GGT1: variants seen among roughly 807,000 people sequenced by gnomAD.
GGT1 encodes glutathione hydrolase 1 proenzyme.
GGT1 carries 21 observed loss-of-function variants against 56.0 expected under a neutral mutation model. The observed-to-expected ratio is 0.38, with a 90% CI of 0.27 to 0.54. GGT1 has a LOEUF of 0.54. GGT1 is among the 20% of genes least tolerant of loss of function. The pLI is 0.82. For missense variants in GGT1, 466 were observed against 787.0 expected, an observed-to-expected ratio of 0.59 and a Z score of 4.88; for synonymous variants, 238 against 342.6, an observed-to-expected ratio of 0.69 and a Z score of 3.37.
chr22:24,619,672 G>A (rs575195110), intron 7 of GGT1, among the ~76,000 whole-genome samples: 13 of 152,148 alleles, frequency 8.5e-5, no homozygotes, highest in African/African-American at 1.4e-4. Flanking sequence ...CTCTGGGGCC[G>A]TAGAAAAGAG....
At chr22:24,626,616 G>A (rs202104277) in intron 11 of GGT1, among the ~76,000 whole-genome samples, 233 of 151,472 alleles carry the variant, frequency 1.5e-3, no homozygotes, top group East Asian at 7.6e-3. Context: ...GCTAGTCGGC[G>A]CCATCCTTGA....
chr22:24,608,120 G>A, intron 2 of GGT1, 97 bp downstream of exon 2: 1 of 395,994 alleles, frequency 2.5e-6, no homozygotes, highest in South Asian at 1.8e-5. Flanking sequence ...AGTGTGTGCA[G>A]CTCTCACGCT....
chr22:24,589,837 A>C (rs750972215), upstream of GGT1: 5 of 1,613,142 alleles, frequency 3.1e-6, no homozygotes, highest in South Asian at 1.1e-5. Flanking sequence ...GGGGCACTGC[A>C]GGTCCCGGGC....
In GGT1 at chr22:24,611,305, T is replaced by C. The variant is rs1238412428; in HGVS notation, c.164+60T>C. On this transcript the variant is annotated intron_variant, in intron 5 of 15. Coordinates refer to ENST00000400382, the MANE Select transcript of GGT1 (RefSeq NM_001288833.2). Reference sequence around the variant, plus strand: ...AAACTGGGCAAGTGGACCTGAGCAATACCTTCACCCCCCTGAGACTCAGTT... The same window carrying C: ...AAACTGGGCAAGTGGACCTGAGCAACACCTTCACCCCCCTGAGACTCAGTT... 5.0e-6 allele frequency: 5 copies of C among 1,002,786 alleles called. No individual in the cohort carries two copies. In the African/African-American group the frequency reaches 8.0e-5, roughly 16 times the overall value. 62.1% of individuals were successfully genotyped at this position (1,002,786 alleles called of 1,614,324 possible).
chr22:24,589,190 A>G, the GGT1 span: 1 of 1,199,226 alleles, frequency 8.3e-7, no homozygotes, highest in Non-Finnish European at 1.1e-6. Flanking sequence ...GGCTGGTCAC[A>G]GCCACACATC....
chr22:24,586,533 G>A, the GGT1 span: 2 of 1,077,372 alleles, frequency 1.9e-6, no homozygotes, highest in East Asian at 2.4e-5. Flanking sequence ...TTCAAACTGT[G>A]TCTTTCGTAT....
intron 5 of GGT1, among the ~76,000 whole-genome samples, 150 bp from the exon 6 acceptor site, chr22:24,614,614 CAAAAAAAAAAAA>C (rs4049879): frequency 3.7e-3 from 257 of 68,622 alleles, no homozygotes; most frequent in African/African-American, 0.01. Context: ...GACTCCATCT[CAAAAAAAAAAAA>C]AAAAAGAAAG....
chr22:24,585,221 C>T, the GGT1 span, among the ~76,000 whole-genome samples: 1 of 152,198 alleles, frequency 6.6e-6, no homozygotes, highest in Admixed American at 6.5e-5. Flanking sequence ...ACTTAGTCGG[C>T]TGTGGCCCCT....
At chr22:24,587,313 A>G in the GGT1 span, among the ~76,000 whole-genome samples, 1,435 of 152,210 alleles carry the variant, frequency 9.4e-3, 23 homozygotes, top group African/African-American at 0.033. Context: ...TCTCAGTTAG[A>G]AGGGAAGTTC....
chr22:24,618,560 T>C (rs185816411), intron 7 of GGT1, among the ~76,000 whole-genome samples: 3 of 152,148 alleles, frequency 2.0e-5, no homozygotes, highest in Non-Finnish European at 2.9e-5. Context: ...CACTGCACTG[T>C]AGTCTGGGAG....
Position 24,627,527 on chromosome 22 carries a change from G to A in GGT1, c.1116G>A (p.Glu372=). 6.2e-7 allele frequency: 1 copy of A among 1,611,794 alleles called. No individual in the cohort carries two copies. Among genetic ancestry groups the A allele is most frequent in the Middle Eastern group, 2.3e-4 (1 of 4,430 alleles). The part of the protein sequence containing the change: ...TTHPISYYKP[E]FYTPDDGGTA... ...ACCCGATCTCCTACTACAAGCCCGA[G>A]TTCTACACGCCGGATGACGGGGGCA... is the stretch of plus-strand genomic sequence containing the variant. The change falls in exon 12 of 16, where the codon GAG becomes GAA. Residue 372 remains glutamate (E), a synonymous_variant. Transcript: ENST00000400382.
At chr22:24,599,993 G>T (rs2045757566), upstream of GGT1, among the ~76,000 whole-genome samples, 1 of 152,198 alleles carries the variant, frequency 6.6e-6, no homozygotes, top group Admixed American at 6.5e-5. Context: ...CATGGTGTCG[G>T]GACTGGGGCA....
At chr22:24,589,274 T>C in the GGT1 span, 11 of 1,250,050 alleles carry the variant, frequency 8.8e-6, no homozygotes, top group South Asian at 1.4e-4. Flanking sequence ...AGCTGTGGGG[T>C]GGAGGCTGCA....
intron 2 of GGT1, among the ~76,000 whole-genome samples, chr22:24,608,358 C>T (rs973790786): frequency 2.6e-4 from 39 of 152,236 alleles, no homozygotes; most frequent in African/African-American, 9.4e-4. Flanking sequence ...CAGTCTGAGC[C>T]TGGCTGGGTG....
At chr22:24,624,428 C>T (rs564230644) in intron 11 of GGT1, 1 of 984,542 alleles carries the variant, frequency 1.0e-6, no homozygotes, top group Admixed American at 6.1e-5. Flanking sequence ...CCTCACATCC[C>T]TCCTTACCTA....
chr22:24,614,348 C>CAA lies in GGT1; in HGVS notation c.165-400_165-399dup, dbSNP rs534749815. On this transcript the variant is annotated intron_variant, in intron 5 of 15. Transcript: ENST00000400382. Reference sequence around the variant, plus strand: ...TGAGCAACAAAGAGAGACTTTGTCTCAAAAAAAAAAAAAAAAAAAAAAAAA... The same window carrying CAA: ...TGAGCAACAAAGAGAGACTTTGTCTCAAAAAAAAAAAAAAAAAAAAAAAAAAA... 5.1e-3 allele frequency among the ~76,000 whole-genome samples: 55 copies of CAA among 10,740 alleles called. 2 individuals are homozygous for CAA. The highest frequency in any genetic ancestry group is 6.6e-3 in the Non-Finnish European group (28 of 4,232). 7.0% of individuals were successfully genotyped at this position (10,740 alleles called of 152,430 possible).
At chr22:24,592,499 G>A (rs1365882436), upstream of GGT1, 1 of 445,646 alleles carries the variant, frequency 2.2e-6, no homozygotes, top group Middle Eastern at 3.4e-4. Flanking sequence ...CACTCCTCCC[G>A]GGCCCCTCCC....
chr22:24,621,003 C>G lies in GGT1; in HGVS notation c.666C>G (p.Ile222Met). Reference sequence around the variant, plus strand: ...CTGACACCTACGAGACGCTGGCCATCGAGGGTGCCCAGGCCTTCTACAACG... The same window carrying G: ...CTGACACCTACGAGACGCTGGCCATGGAGGGTGCCCAGGCCTTCTACAACG... ...QLADTYETLA[I>M]EGAQAFYNGS... Residue 222 changes from isoleucine (I) to methionine (M), a missense_variant, in exon 9 of 16, where the codon ATC (isoleucine) becomes ATG (methionine). This residue lies in a region of GGT1 where 456 missense variants were observed against 716.7 expected (regional missense o/e 0.64). Transcript: ENST00000400382. 2.5e-6 allele frequency: 4 copies of G among 1,611,124 alleles called. No individual in the cohort carries two copies. Among genetic ancestry groups the G allele is most frequent in the African/African-American group, 1.3e-5 (1 of 74,958 alleles).
chr22:24,607,881 G>A, intron 1 of GGT1, 73 bp from the exon 2 acceptor site: 3 of 424,416 alleles, frequency 7.1e-6, no homozygotes, highest in Non-Finnish European at 1.5e-5. Flanking sequence ...CCACTCTGGA[G>A]AGTGGCGGGG....
Sources: allele counts gnomAD v4.1 joint callset (sites outside exome capture counted in the v4.1 genomes callset), GRCh38; gene constraint gnomAD v4.1.1; regional missense constraint gnomAD v4.1.1; transcripts MANE v1.5; gene names NCBI Gene and HGNC (gene_info 2026-07-23, HGNC 2026-07-21).